BABAM2: variants seen among roughly 807,000 people sequenced by gnomAD.
The protein encoded by BABAM2 is BRISC and BRCA1 A complex member 2.
BABAM2 carries 31 observed loss-of-function variants against 54.7 expected under a neutral mutation model. That is an observed-to-expected ratio of 0.57 (90% confidence interval 0.43 to 0.77). The LOEUF (loss-of-function observed/expected upper bound fraction) is 0.77, where lower values mean the gene tolerates loss of function less well. Among genes scored for constraint, BABAM2 ranks in the 30% least tolerant of loss-of-function variants. BABAM2 has a pLI of 0.00. For missense variants in BABAM2, 364 were observed against 455.8 expected (o/e 0.80, Z 1.83); for synonymous variants, 167 against 162.9 (o/e 1.03, Z -0.19).
At chr2:27,891,134 T>A (rs1244740134) in intron 1 of BABAM2, 1 of 151,956 alleles carries the variant, frequency 6.6e-6, no homozygotes, top group Non-Finnish European at 1.5e-5. Context: ...GAGGGGAGAG[T>A]GTCCCTTTTT....
intron 8 of BABAM2, among the ~76,000 whole-genome samples, chr2:28,238,888 A>G (rs560904077): frequency 6.5e-4 from 99 of 152,216 alleles, no homozygotes; most frequent in Admixed American, 1.3e-3. Flanking sequence ...GAATCAGTCA[A>G]TTTTTCTTAT....
intron 10 of BABAM2, among the ~76,000 whole-genome samples, chr2:28,261,570 T>C (rs57201636): frequency 0.019 from 2,916 of 152,012 alleles, 91 homozygotes; most frequent in African/African-American, 0.066. Flanking sequence ...GATCTCCTGA[T>C]CTTATGATCT....
At chr2:28,196,953 T>TCCCA (rs940119285) in intron 7 of BABAM2, among the ~76,000 whole-genome samples, 18 of 141,214 alleles carry the variant, frequency 1.3e-4, no homozygotes, top group African/African-American at 4.4e-4. Flanking sequence ...TAAGGGATCC[T>TCCCA]CCCACCTTGG....
intron 7 of BABAM2, among the ~76,000 whole-genome samples, chr2:28,228,113 A>C (rs944867766): frequency 6.6e-6 from 1 of 152,224 alleles, no homozygotes; most frequent in Non-Finnish European, 1.5e-5. Context: ...AGCAAGGAGC[A>C]CTTTGGAAAC....
intron 10 of BABAM2, among the ~76,000 whole-genome samples, chr2:28,287,669 C>T (rs958578573): frequency 3.9e-5 from 6 of 152,060 alleles, no homozygotes; most frequent in African/African-American, 9.7e-5. Context: ...TGGAAGAAGG[C>T]GGGGCTTGGA....
At chr2:27,989,576 C>T (rs1397887826) in intron 4 of BABAM2, among the ~76,000 whole-genome samples, 1 of 152,112 alleles carries the variant, frequency 6.6e-6, no homozygotes. Flanking sequence ...TGGGAGAAGA[C>T]TGTGGGGCAC....
intron 10 of BABAM2, among the ~76,000 whole-genome samples, chr2:28,280,677 G>A (rs1205162015): frequency 1.4e-4 from 22 of 152,270 alleles, no homozygotes; most frequent in East Asian, 5.8e-4. Flanking sequence ...GCCTACTCAG[G>A]CACTACTTTG....
intron 11 of BABAM2, among the ~76,000 whole-genome samples, chr2:28,335,537 A>AT (rs1691373859): frequency 6.6e-6 from 1 of 152,212 alleles, no homozygotes; most frequent in Non-Finnish European, 1.5e-5. Context: ...CGTGGTCATC[A>AT]TTAGTTACAT....
intron 11 of BABAM2, among the ~76,000 whole-genome samples, chr2:28,303,511 C>T (rs1688271217): frequency 6.6e-6 from 1 of 152,178 alleles, no homozygotes; most frequent in African/African-American, 2.4e-5. Context: ...GGATCTATTT[C>T]TGGATACTCT....
chr2:27,990,506 A>G (rs951302556), intron 4 of BABAM2, among the ~76,000 whole-genome samples: 1 of 152,176 alleles, frequency 6.6e-6, no homozygotes, highest in Admixed American at 6.5e-5. Flanking sequence ...TTCATCACCC[A>G]TGGAGTGGAA....
intron 6 of BABAM2, among the ~76,000 whole-genome samples, chr2:28,110,953 A>G (rs1358798762): frequency 6.7e-6 from 1 of 148,282 alleles, no homozygotes. Flanking sequence ...ATCTTTTCAT[A>G]TGCTTATTGG....
At chr2:28,017,816 A>G (rs1331792212) in intron 4 of BABAM2, among the ~76,000 whole-genome samples, 2 of 152,160 alleles carry the variant, frequency 1.3e-5, no homozygotes, top group African/African-American at 4.8e-5. Flanking sequence ...TTAATGTTTC[A>G]AGGTTGATCC....
At chr2:28,063,287 A>G (rs1187163875) in intron 6 of BABAM2, among the ~76,000 whole-genome samples, 2 of 152,256 alleles carry the variant, frequency 1.3e-5, no homozygotes, top group East Asian at 1.9e-4. Flanking sequence ...CAGTACCAAT[A>G]TAATGCAAGC....
chr2:28,112,536 C>A (rs1041189021), intron 6 of BABAM2, among the ~76,000 whole-genome samples: 1 of 151,984 alleles, frequency 6.6e-6, no homozygotes, highest in Non-Finnish European at 1.5e-5. Flanking sequence ...AGGACATGAA[C>A]TCATCCTTTT....
intron 7 of BABAM2, among the ~76,000 whole-genome samples, chr2:28,234,841 C>T (rs541388921): frequency 6.6e-6 from 1 of 152,200 alleles, no homozygotes; most frequent in African/African-American, 2.4e-5. Context: ...AAAGAGGAGA[C>T]AAAAAGCCTT....
chr2:28,207,350 A>AGC (rs1678971346), intron 7 of BABAM2, among the ~76,000 whole-genome samples: 1 of 151,958 alleles, frequency 6.6e-6, no homozygotes, highest in South Asian at 2.1e-4. Flanking sequence ...GTTTAAAAAA[A>AGC]AAAAAAAAAT....
chr2:28,098,354 A>G (rs540854469), intron 6 of BABAM2, among the ~76,000 whole-genome samples: 26 of 152,350 alleles, frequency 1.7e-4, no homozygotes, highest in Admixed American at 9.1e-4. Context: ...GGCCCATAGT[A>G]TATAGGCTTG....
chr2:28,243,779 A>T (rs1157346005), intron 9 of BABAM2, among the ~76,000 whole-genome samples: 1 of 152,064 alleles, frequency 6.6e-6, no homozygotes, highest in Admixed American at 6.6e-5. Context: ...TGATATACCA[A>T]CCATTTTTTA....
At chr2:28,022,435 G>A (rs1313273877) in intron 4 of BABAM2, among the ~76,000 whole-genome samples, 6 of 152,190 alleles carry the variant, frequency 3.9e-5, no homozygotes, top group African/African-American at 1.2e-4. Flanking sequence ...AAGAATTGGC[G>A]TGATACCTTC....
Sources: allele counts gnomAD v4.1 joint callset (sites outside exome capture counted in the v4.1 genomes callset), GRCh38; gene constraint gnomAD v4.1.1; transcripts MANE v1.5; gene names NCBI Gene and HGNC (gene_info 2026-07-23, HGNC 2026-07-21).